CSF1R: variants seen among roughly 807,000 people sequenced by gnomAD.
CSF1R encodes colony stimulating factor 1 receptor, also known as macrophage colony-stimulating factor 1 receptor.
Under a neutral mutation model 110.0 loss-of-function variants are expected in CSF1R, and 40 were observed. The ratio of observed to expected loss-of-function variants is 0.36; its 90% CI spans 0.28 to 0.47. The LOEUF is 0.47. Among genes scored for constraint, CSF1R ranks in the 20% least tolerant of loss-of-function variants. The pLI, the probability that CSF1R is intolerant of heterozygous loss-of-function variation, is 0.99. For missense variants in CSF1R, 1,052 were observed against 1,253.0 expected (o/e 0.84, Z 2.42); for synonymous variants, 523 against 503.4 (o/e 1.04, Z -0.52).
At chr5:150,054,858 T>C (rs1160400077) in intron 19 of CSF1R, 2 of 246,230 alleles carry the variant, frequency 8.1e-6, no homozygotes, top group Non-Finnish European at 1.6e-5. Context: ...GGCTTGGTGG[T>C]GCACACCTGT....
chr5:150,081,978 C>G (rs924086805), intron 1 of CSF1R, among the ~76,000 whole-genome samples: 3 of 152,218 alleles, frequency 2.0e-5, no homozygotes, highest in African/African-American at 7.2e-5. Context: ...CGCCCCCCAG[C>G]CTGTGTGGGC....
intron 14 of CSF1R, chr5:150,058,394 T>C (rs1757348455): frequency 2.2e-6 from 1 of 447,774 alleles, no homozygotes; most frequent in Admixed American, 2.4e-5. Flanking sequence ...GCGCTAGAGA[T>C]GTGTACCTTG....
At chr5:150,078,503 G>A (rs1037331201) in intron 3 of CSF1R, among the ~76,000 whole-genome samples, 5 of 151,882 alleles carry the variant, frequency 3.3e-5, no homozygotes, top group African/African-American at 1.2e-4. Flanking sequence ...CTGGACTTCT[G>A]CACCAGCCTC....
At chr5:150,076,563 C>T (rs1758276465) in intron 5 of CSF1R, among the ~76,000 whole-genome samples, 1 of 152,150 alleles carries the variant, frequency 6.6e-6, no homozygotes, top group African/African-American at 2.4e-5. Flanking sequence ...CCCCATCACT[C>T]TCCTCTTTAC....
At chr5:150,079,939 G>T (rs1758449242) in intron 3 of CSF1R, 113 bp downstream of exon 3, 1 of 1,259,902 alleles carries the variant, frequency 7.9e-7, no homozygotes, top group Non-Finnish European at 1.1e-6. Flanking sequence ...GTGAAAGAAA[G>T]AGGACATCCC....
intron 5 of CSF1R, among the ~76,000 whole-genome samples, chr5:150,075,176 T>A (rs183596125): frequency 6.6e-6 from 1 of 152,180 alleles, no homozygotes; most frequent in South Asian, 2.1e-4. Flanking sequence ...CTGTGAGCTT[T>A]TGGGGGCAAG....
intron 10 of CSF1R, among the ~76,000 whole-genome samples, chr5:150,063,826 A>G (rs936806339): frequency 1.3e-5 from 2 of 151,822 alleles, no homozygotes; most frequent in African/African-American, 4.8e-5. Flanking sequence ...CAGCAGAGCA[A>G]CTCTTTCCGG....
rs772656669 is a variant in CSF1R at position 150,057,589 on chromosome 5, G to C, written c.2136C>G (p.Asp712Glu). 2 of 1,613,456 alleles carry C rather than the reference G, an allele frequency of 1.2e-6. No homozygotes were observed. The highest frequency in any genetic ancestry group is 1.7e-6 in the Non-Finnish European group (2 of 1,179,478). ...CCACACCCTGGCTGGAGAAGCCACT[G>C]TCCCTACATAGGAGAGAGGGTTGGG... The part of the protein sequence containing the change: ...IHLEKKYVRR[D>E]SGFSSQGVDT... The change falls in exon 15 of 21, where the codon GAC becomes GAG. Residue 712 changes from aspartate to glutamate, a missense_variant. Coordinates refer to ENST00000675795, the MANE Select transcript of CSF1R (RefSeq NM_001288705.3).
chr5:150,074,308 T>TTTTG (rs1758161076), intron 5 of CSF1R, among the ~76,000 whole-genome samples: 1 of 140,950 alleles, frequency 7.1e-6, no homozygotes, highest in Admixed American at 6.7e-5. Context: ...CTGACTAGTT[T>TTTTG]TTTTTTTTTT....
At chr5:150,098,151 CA>C (rs1191284236) in intron 1 of CSF1R, among the ~76,000 whole-genome samples, 3 of 151,876 alleles carry the variant, frequency 2.0e-5, no homozygotes, top group Non-Finnish European at 2.9e-5. Context: ...ATAGGCATTC[CA>C]AAAAGTGGTA....
chr5:150,065,332 C>T (rs906454626), intron 10 of CSF1R, among the ~76,000 whole-genome samples: 4 of 152,196 alleles, frequency 2.6e-5, no homozygotes, highest in East Asian at 1.9e-4. Context: ...CCCCCAGAAT[C>T]GTAGTCTTTC....
At chr5:150,112,643 C>G (rs887217416) in intron 1 of CSF1R, among the ~76,000 whole-genome samples, 1 of 152,244 alleles carries the variant, frequency 6.6e-6, no homozygotes, top group African/African-American at 2.4e-5. Flanking sequence ...ACTCCTGCCA[C>G]AGCTAGAAGA....
intron 1 of CSF1R, among the ~76,000 whole-genome samples, chr5:150,097,192 C>T (rs923127764): frequency 1.3e-5 from 2 of 151,738 alleles, no homozygotes; most frequent in Non-Finnish European, 2.9e-5. Context: ...GTCTAGCCTA[C>T]AATGAGCAGG....
At position 150,064,495 on chromosome 5, in the gene CSF1R, C is replaced by T. The variant is rs370035572; in HGVS notation, c.1627-2646G>A. On this transcript the variant is annotated intron_variant, in intron 10 of 20. Transcript: ENST00000675795. ...TTATAGCTTGGGAGAGAGTCTGAAA[C>T]GGGACCCAGGGAGAAGAACTTCCCA... Among the ~76,000 whole-genome samples, 190 of 152,234 alleles carry T rather than the reference C, an allele frequency of 1.2e-3. 2 individuals are homozygous for T. In the South Asian group the frequency reaches 0.034, roughly 28 times the overall value.
chr5:150,109,063 C>CA (rs1554106356), intron 1 of CSF1R, among the ~76,000 whole-genome samples: 11 of 126,994 alleles, frequency 8.7e-5, no homozygotes, highest in African/African-American at 1.2e-4. Context: ...AGCCCGCCCC[C>CA]CCCCCACCAC....
chr5:150,078,334 A>C, intron 3 of CSF1R, 86 bp from the exon 4 acceptor site: 1 of 1,521,548 alleles, frequency 6.6e-7, no homozygotes, highest in Non-Finnish European at 8.9e-7. Context: ...GGGCCAGGAC[A>C]CACAGGCCAG....
chr5:150,065,404 C>T (rs1757718903), intron 10 of CSF1R, among the ~76,000 whole-genome samples: 1 of 152,256 alleles, frequency 6.6e-6, no homozygotes, highest in East Asian at 1.9e-4. Flanking sequence ...GCGCCTCCTC[C>T]TCCAGGGGAG....
At chr5:150,061,463 C>T (rs1168476371) in intron 12 of CSF1R, 28 bp downstream of exon 12, 1 of 1,118,564 alleles carries the variant, frequency 8.9e-7, no homozygotes. Flanking sequence ...ACCCCCCATC[C>T]CTTCCCTCAT....
chr5:150,084,378 AGAAAGAAAGAAAGAAGGAAG>A lies in CSF1R; in HGVS notation c.49+1981_49+2000del, dbSNP rs1439970202. ...AAGAAAGAAAGAAAGAAAGAAAGAA[AGAAAGAAAGAAAGAAGGAAG>A]GAAGGAAGGAAGGAAGGAAGGAAGG... On this transcript the variant is annotated intron_variant, in intron 1 of 20. Transcript: ENST00000675795. 1.3e-3 allele frequency among the ~76,000 whole-genome samples: 63 copies of A among 48,600 alleles called. 1 individual carries two copies. The highest frequency in any genetic ancestry group is 2.2e-3 in the Non-Finnish European group (55 of 25,534). The allele number at this position is 48,600 out of a possible 152,430, so 31.9% of individuals were successfully genotyped here.
Sources: gnomAD v4.1 joint callset for allele counts (sites outside exome capture counted in the v4.1 genomes callset) on GRCh38, gnomAD v4.1.1 for gene constraint, MANE v1.5 for transcripts, NCBI Gene and HGNC (gene_info 2026-07-23, HGNC 2026-07-21) for gene names.